TEAD4: variants seen among roughly 807,000 people sequenced by gnomAD.
The protein encoded by TEAD4 is transcriptional enhancer factor TEF-3.
A neutral mutation model predicts 52.4 loss-of-function variants in TEAD4; 36 were observed. That is an observed-to-expected ratio of 0.69 (90% CI 0.53 to 0.91). The LOEUF is 0.91. Ranked by LOEUF, TEAD4 falls within the 40% of genes least tolerant of loss-of-function variation. TEAD4 has a pLI of 0.00. For missense variants in TEAD4, 508 were observed against 583.9 expected, an observed-to-expected ratio of 0.87 and a Z score of 1.34; for synonymous variants, 220 against 231.0, an observed-to-expected ratio of 0.95 and a Z score of 0.43.
intron 2 of TEAD4, among the ~76,000 whole-genome samples, chr12:2,973,309 A>G (rs1039467604): frequency 6.6e-6 from 1 of 152,046 alleles, no homozygotes; most frequent in Non-Finnish European, 1.5e-5. Context: ...TGGCTCAAGC[A>G]GTCCACCCGC....
intron 2 of TEAD4, among the ~76,000 whole-genome samples, chr12:2,993,384 C>G (rs1406738138): frequency 6.6e-6 from 1 of 152,222 alleles, no homozygotes; most frequent in African/African-American, 2.4e-5. Context: ...CTCCTGGACT[C>G]AAATGATCCT....
chr12:3,003,186 C>T (rs1179002394), intron 3 of TEAD4, among the ~76,000 whole-genome samples: 1 of 152,000 alleles, frequency 6.6e-6, no homozygotes, highest in Non-Finnish European at 1.5e-5. Context: ...CCAAAGATGT[C>T]CACGCACACT....
chr12:2,972,520 A>G, intron 2 of TEAD4, among the ~76,000 whole-genome samples: 1 of 55,936 alleles, frequency 1.8e-5, no homozygotes, highest in Non-Finnish European at 3.7e-5. Context: ...TTTTTTTGAG[A>G]CAGAGTTTTG....
chr12:2,966,779 T>C (rs537346446), intron 2 of TEAD4, among the ~76,000 whole-genome samples: 103 of 152,084 alleles, frequency 6.8e-4, no homozygotes, highest in Non-Finnish European at 1.2e-3. Context: ...CGATCTCGGC[T>C]CACTGCAACC....
intron 5 of TEAD4, chr12:3,017,139 A>G: frequency 3.1e-6 from 2 of 643,462 alleles, no homozygotes; most frequent in Non-Finnish European, 2.9e-6. Flanking sequence ...ATAAAATGAC[A>G]GATAATGTCT....
At chr12:2,982,388 C>G (rs2098234785) in intron 2 of TEAD4, among the ~76,000 whole-genome samples, 1 of 152,106 alleles carries the variant, frequency 6.6e-6, no homozygotes, top group East Asian at 1.9e-4. Flanking sequence ...GGGCTGGGCC[C>G]TGAGAACCAA....
intron 7 of TEAD4, 36 bp downstream of exon 7, chr12:3,018,624 C>T (rs760967234): frequency 1.9e-6 from 3 of 1,613,856 alleles, no homozygotes; most frequent in Admixed American, 1.7e-5. Context: ...GCCAGTTGCT[C>T]CCTGAACTGA....
chr12:2,960,188 C>T, intron 2 of TEAD4, 148 bp downstream of exon 2: 2 of 604,922 alleles, frequency 3.3e-6, no homozygotes, highest in Non-Finnish European at 4.2e-6. Flanking sequence ...GAAGCGGCTC[C>T]AGGGGCGGGT....
intron 2 of TEAD4, among the ~76,000 whole-genome samples, chr12:2,972,097 G>A (rs943016774): frequency 2.0e-5 from 3 of 151,564 alleles, no homozygotes; most frequent in African/African-American, 7.3e-5. Context: ...ACAGGCGTGA[G>A]CCACAGAGTC....
intron 3 of TEAD4, among the ~76,000 whole-genome samples, chr12:2,998,570 A>C (rs2098249112): frequency 6.6e-6 from 1 of 151,846 alleles, no homozygotes; most frequent in African/African-American, 2.4e-5. Context: ...GAGGAGAGGC[A>C]GAGGTGCTGC....
At chr12:3,025,166 A>C (rs1187755789) in intron 10 of TEAD4, among the ~76,000 whole-genome samples, 1 of 150,358 alleles carries the variant, frequency 6.7e-6, no homozygotes, top group Non-Finnish European at 1.5e-5. Flanking sequence ...CTGGTCTTGA[A>C]CTCCTGACCT....
In TEAD4 at chr12:3,020,705, G is replaced by T. The variant is rs367723028; in HGVS notation, c.655G>T (p.Val219Leu). ...GGCACCCCCATGGCAGGGCCGCAGCGTGGCCAGCTCCAAGCTCTGGATGTT... is the reference window on the plus strand; with the variant it reads ...GGCACCCCCATGGCAGGGCCGCAGCTTGGCCAGCTCCAAGCTCTGGATGTT... Residue 219 changes from valine to leucine, a missense_variant, in exon 9 of 13, where the codon GTG (valine) becomes TTG (leucine). Val to Leu is a conservative substitution (Grantham distance 32). Coordinates refer to ENST00000359864, the MANE Select transcript of TEAD4 (RefSeq NM_003213.4). 2.5e-6 allele frequency: 4 copies of T among 1,609,258 alleles called. No individual in the cohort carries two copies. Among genetic ancestry groups the T allele is most frequent in the African/African-American group, 2.7e-5 (2 of 74,910 alleles).
At chr12:3,035,947 G>C (rs1233367136) in intron 10 of TEAD4, among the ~76,000 whole-genome samples, 1 of 151,950 alleles carries the variant, frequency 6.6e-6, no homozygotes, top group African/African-American at 2.4e-5. Context: ...AATCTAGTCC[G>C]GCAGAGGCCT....
intron 5 of TEAD4, among the ~76,000 whole-genome samples, chr12:3,016,110 C>G (rs1224821446): frequency 6.6e-6 from 1 of 151,704 alleles, no homozygotes; most frequent in African/African-American, 2.4e-5. Context: ...TCACTGCAGC[C>G]CCTGCTTCCC....
chr12:3,033,059 A>G (rs2098276783), intron 10 of TEAD4, among the ~76,000 whole-genome samples: 1 of 151,878 alleles, frequency 6.6e-6, no homozygotes, highest in Admixed American at 6.6e-5. Context: ...CCTCTCCCGG[A>G]GCCTTTCTTT....
At chr12:3,005,953 T>C (rs2098255611) in intron 3 of TEAD4, among the ~76,000 whole-genome samples, 1 of 152,182 alleles carries the variant, frequency 6.6e-6, no homozygotes, top group Non-Finnish European at 1.5e-5. Flanking sequence ...GGAATGTTTT[T>C]GGAGACCTAT....
Position 2,994,705 on chromosome 12 carries a change from T to A in TEAD4, c.-29-33T>A. 5 of 1,524,006 alleles carry A rather than the reference T, an allele frequency of 3.3e-6. No individual in the cohort carries two copies. The highest frequency in any genetic ancestry group is 4.4e-6 in the Non-Finnish European group (5 of 1,138,552). 94.4% of individuals were successfully genotyped at this position (1,524,006 alleles called of 1,614,324 possible). On this transcript the variant is annotated intron_variant, in intron 2 of 12. Transcript: ENST00000359864. The surrounding 1 kb of genome is among the most constrained non-coding windows in gnomAD (Gnocchi z 4.7). ...CCCGTGGCCCACGCAGTTCTTCCAC[T>A]GCTCACCGGGGCTGTGGTTCCTGTC...
intron 2 of TEAD4, among the ~76,000 whole-genome samples, chr12:2,969,016 T>C (rs2098222891): frequency 6.6e-6 from 1 of 152,286 alleles, no homozygotes; most frequent in South Asian, 2.1e-4. Context: ...CTGGGTGCTG[T>C]CATTTCTCAT....
At chr12:2,960,813 T>C (rs373671569) in intron 2 of TEAD4, among the ~76,000 whole-genome samples, 11 of 152,346 alleles carry the variant, frequency 7.2e-5, no homozygotes, top group Admixed American at 5.2e-4. Flanking sequence ...TGGCTAGGAC[T>C]GTTCTTCCTC....
Sources: gnomAD v4.1 joint callset for allele counts (sites outside exome capture counted in the v4.1 genomes callset) on GRCh38, gnomAD v4.1.1 for gene constraint, Gnocchi (gnomAD v3.1) non-coding constraint, MANE v1.5 for transcripts, NCBI Gene and HGNC (gene_info 2026-07-23, HGNC 2026-07-21) for gene names.